NLK: variants seen among roughly 807,000 people sequenced by gnomAD.
NLK encodes serine/threonine-protein kinase NLK.
NLK carries 11 observed loss-of-function variants against 59.0 expected under a neutral mutation model. The ratio of observed to expected loss-of-function variants is 0.19; its 90% CI spans 0.12 to 0.31. NLK has a LOEUF of 0.31. Among genes scored for constraint, NLK ranks in the 10% least tolerant of loss-of-function variants. The pLI, the probability that NLK is intolerant of heterozygous loss-of-function variation, is 1.00. For missense variants in NLK, 410 were observed against 661.1 expected (o/e 0.62, Z 4.16); for synonymous variants, 235 against 235.9 (o/e 1.00, Z 0.03).
intron 1 of NLK, among the ~76,000 whole-genome samples, chr17:28,086,798 A>G (rs970898673): frequency 2.6e-5 from 4 of 151,828 alleles, no homozygotes; most frequent in Non-Finnish European, 5.9e-5. Flanking sequence ...TTTGAGAGGC[A>G]GTAGGATCAC....
intron 3 of NLK, among the ~76,000 whole-genome samples, chr17:28,160,077 G>A (rs1230771176): frequency 6.6e-6 from 1 of 152,190 alleles, no homozygotes; most frequent in African/African-American, 2.4e-5. Context: ...AGATTAACTA[G>A]AGAGAGAAAT....
At chr17:28,201,051 A>C (rs899831647), downstream of NLK, among the ~76,000 whole-genome samples, 8 of 152,178 alleles carry the variant, frequency 5.3e-5, no homozygotes, top group African/African-American at 1.7e-4. Flanking sequence ...CCATTGACCT[A>C]GCTGTCTGTA....
chr17:28,182,510 G>C (rs1464273311), intron 7 of NLK, among the ~76,000 whole-genome samples: 1 of 152,114 alleles, frequency 6.6e-6, no homozygotes, highest in Non-Finnish European at 1.5e-5. Context: ...TGCTGAAATG[G>C]CAGGAGCTTT....
chr17:28,175,087 G>C (rs1195715788), intron 7 of NLK, among the ~76,000 whole-genome samples: 1 of 151,516 alleles, frequency 6.6e-6, no homozygotes, highest in African/African-American at 2.4e-5. Flanking sequence ...AAATGTATAG[G>C]GTTTAGCTTA....
At chr17:28,150,376 C>T (rs535658155) in intron 3 of NLK, among the ~76,000 whole-genome samples, 3 of 152,174 alleles carry the variant, frequency 2.0e-5, no homozygotes, top group East Asian at 1.9e-4. Context: ...CAAGTTTCCA[C>T]GGGAAACAGC....
At chr17:28,098,177 A>G (rs1171606131) in intron 1 of NLK, among the ~76,000 whole-genome samples, 2 of 152,200 alleles carry the variant, frequency 1.3e-5, no homozygotes, top group African/African-American at 4.8e-5. Context: ...CCACAGGGCA[A>G]ACTGTAAGTA....
intron 1 of NLK, among the ~76,000 whole-genome samples, chr17:28,088,801 C>T (rs1904374266): frequency 6.6e-6 from 1 of 152,144 alleles, no homozygotes; most frequent in African/African-American, 2.4e-5. Context: ...GTTCCCTTGG[C>T]ACTAGAGGTA....
intron 2 of NLK, among the ~76,000 whole-genome samples, chr17:28,124,741 G>T (rs1906221534): frequency 6.6e-6 from 1 of 152,008 alleles, no homozygotes; most frequent in African/African-American, 2.4e-5. Flanking sequence ...ATATTTCAAG[G>T]GTGGCATCAG....
Position 28,105,124 on chromosome 17 carries a change from A to G in NLK, c.459-17479A>G, listed in dbSNP as rs573301304. The stretch of plus-strand genomic sequence containing the variant: ...TTTCCTGTTTTCAGCTACATTCTAC[A>G]TGACTGTCTCTGATTACTACCTTGA... On this transcript the variant is annotated intron_variant, in intron 1 of 10. Transcript: ENST00000407008. Among the ~76,000 whole-genome samples, 5 of 152,296 alleles carry G rather than the reference A, an allele frequency of 3.3e-5. No individual in the cohort carries two copies. In the South Asian group the frequency reaches 6.2e-4, roughly 19 times the overall value.
intron 7 of NLK, among the ~76,000 whole-genome samples, chr17:28,181,543 T>C (rs1908904828): frequency 6.7e-6 from 1 of 149,784 alleles, no homozygotes; most frequent in Non-Finnish European, 1.5e-5. Context: ...CACTTCAGCC[T>C]GGGCAATAGA....
intron 1 of NLK, among the ~76,000 whole-genome samples, chr17:28,092,208 A>G (rs1447860067): frequency 6.9e-6 from 1 of 145,724 alleles, no homozygotes; most frequent in Non-Finnish European, 1.5e-5. Flanking sequence ...TCTAATCTTA[A>G]TGCATTAAGA....
intron 1 of NLK, among the ~76,000 whole-genome samples, chr17:28,061,017 T>C (rs1410228150): frequency 6.6e-6 from 1 of 152,230 alleles, no homozygotes; most frequent in Non-Finnish European, 1.5e-5. Context: ...ATTTATTAAA[T>C]GAAAATCTGT....
At chr17:28,061,584 GA>G (rs987018002) in intron 1 of NLK, among the ~76,000 whole-genome samples, 2 of 151,798 alleles carry the variant, frequency 1.3e-5, no homozygotes, top group African/African-American at 4.8e-5. Flanking sequence ...CTTAAAACTA[GA>G]AATGCAATTT....
chr17:28,063,467 G>A (rs1469042143), intron 1 of NLK, among the ~76,000 whole-genome samples: 2 of 151,616 alleles, frequency 1.3e-5, no homozygotes, highest in Admixed American at 6.6e-5. Context: ...CTCATTTCTC[G>A]GGGTTTGGGT....
intron 1 of NLK, among the ~76,000 whole-genome samples, chr17:28,046,755 G>T (rs953546945): frequency 6.6e-6 from 1 of 152,158 alleles, no homozygotes; most frequent in Non-Finnish European, 1.5e-5. Context: ...GGATCGCTGT[G>T]CCTAGACCGT....
intron 1 of NLK, among the ~76,000 whole-genome samples, chr17:28,051,294 T>TTTGC (rs1377216990): frequency 6.6e-6 from 1 of 152,062 alleles, no homozygotes; most frequent in African/African-American, 2.4e-5. Flanking sequence ...TGTTTGTTTG[T>TTTGC]TTGTTTGTTT....
At chr17:28,144,140 C>G (rs569850332) in intron 3 of NLK, among the ~76,000 whole-genome samples, 1 of 152,246 alleles carries the variant, frequency 6.6e-6, no homozygotes, top group African/African-American at 2.4e-5. Context: ...CTGCTTCAGC[C>G]TGAGATCCCA....
At position 28,191,188 on chromosome 17, in the gene NLK, G is replaced by A. The variant is rs1909293826; in HGVS notation, c.1404G>A (p.Glu468=). 1.2e-6 allele frequency: 2 copies of A among 1,613,110 alleles called. No homozygotes were observed. Among genetic ancestry groups the A allele is most frequent in the East Asian group, 2.2e-5 (1 of 44,870 alleles). Residue 468 remains glutamate, a synonymous_variant, in exon 9 of 11, where the codon GAG becomes GAA. Transcript: ENST00000407008. The stretch of plus-strand genomic sequence containing the variant: ...ATCCCAAATTTGATGACACTTTCGA[G>A]AAGAACCTCAGTTCTGTCCGACAGG... ...VTNPKFDDTF[E]KNLSSVRQVK...
chr17:28,052,124 T>TTC (rs1466443470), intron 1 of NLK, among the ~76,000 whole-genome samples: 1 of 152,232 alleles, frequency 6.6e-6, no homozygotes, highest in Non-Finnish European at 1.5e-5. Flanking sequence ...GAGCAATTTC[T>TTC]TCTACATGTC....
Sources: gnomAD v4.1 joint callset for allele counts (sites outside exome capture counted in the v4.1 genomes callset) on GRCh38, gnomAD v4.1.1 for gene constraint, MANE v1.5 for transcripts, NCBI Gene and HGNC (gene_info 2026-07-23, HGNC 2026-07-21) for gene names.